Variants in TMEM71 observed in about 807,000 individuals in gnomAD.
TMEM71 encodes the protein transmembrane protein 71.
Under a neutral mutation model 38.0 loss-of-function variants are expected in TMEM71, and 44 were observed. The observed-to-expected ratio is 1.16, with a 90% CI of 0.91 to 1.49. The LOEUF is 1.49. TMEM71 is among the 40% of genes most tolerant of loss of function. The pLI is 0.00. For synonymous variants in TMEM71, 133 were observed against 122.5 expected (o/e 1.09, Z -0.56); for missense variants, 367 against 348.6 (o/e 1.05, Z -0.42).
upstream of TMEM71, among the ~76,000 whole-genome samples, chr8:132,762,020 C>G (rs976238925): frequency 6.6e-6 from 1 of 152,188 alleles, no homozygotes; most frequent in Non-Finnish European, 1.5e-5. Context: ...CCCAGGCTAG[C>G]CCTGCCCAGC....
chr8:132,756,413 A>ATATATATATATATATATATATAT (rs1829015037), intron 3 of TMEM71, among the ~76,000 whole-genome samples: 1 of 57,682 alleles, frequency 1.7e-5, no homozygotes, highest in Non-Finnish European at 4.0e-5. Context: ...CATATATATT[A>ATATATATATATATATATATATAT]TATATATATA....
chr8:132,728,169 T>C (rs760977311), intron 5 of TMEM71, among the ~76,000 whole-genome samples, 183 bp from the exon 6 acceptor site: 4 of 152,074 alleles, frequency 2.6e-5, no homozygotes, highest in Non-Finnish European at 5.9e-5. Flanking sequence ...AGATGATGTA[T>C]TCGTCTGTTT....
At chr8:132,740,985 G>C (rs993358320) in intron 5 of TMEM71, among the ~76,000 whole-genome samples, 2 of 152,180 alleles carry the variant, frequency 1.3e-5, no homozygotes, top group African/African-American at 4.8e-5. Context: ...AAAAAGGTTA[G>C]CCTCACAGCA....
chr8:132,736,264 C>A (rs919467872), intron 5 of TMEM71, among the ~76,000 whole-genome samples: 1 of 152,088 alleles, frequency 6.6e-6, no homozygotes, highest in Non-Finnish European at 1.5e-5. Context: ...AAGACACTTG[C>A]CTTGTTGCTC....
chr8:132,707,047 C>T (rs992700691), downstream of TMEM71, among the ~76,000 whole-genome samples: 1 of 152,176 alleles, frequency 6.6e-6, no homozygotes, highest in African/African-American at 2.4e-5. Flanking sequence ...GACATGCGAT[C>T]AGCAAAATTC....
chr8:132,757,404 A>G, intron 2 of TMEM71, 110 bp from the exon 3 acceptor site: 1 of 727,648 alleles, frequency 1.4e-6, no homozygotes, highest in South Asian at 1.5e-5. Flanking sequence ...GCATGTAAGA[A>G]GATGGGAATA....
At chr8:132,752,148 TC>T in intron 3 of TMEM71, 151 bp from the exon 4 acceptor site, 1 of 679,860 alleles carries the variant, frequency 1.5e-6, no homozygotes, top group Non-Finnish European at 2.5e-6. Context: ...CTCTTAATGT[TC>T]TGGGCTTCAT....
intron 6 of TMEM71, among the ~76,000 whole-genome samples, chr8:132,724,982 A>G (rs1827057447): frequency 6.6e-6 from 1 of 152,158 alleles, no homozygotes. Flanking sequence ...GTGTAGGCAC[A>G]GAGCCACCAG....
intron 5 of TMEM71, among the ~76,000 whole-genome samples, chr8:132,742,430 G>A (rs1828096901): frequency 6.6e-6 from 1 of 152,126 alleles, no homozygotes; most frequent in African/African-American, 2.4e-5. Flanking sequence ...TCCCTCTGAA[G>A]CCCTCCCAGC....
chr8:132,719,639 A>G (rs1268731053), intron 7 of TMEM71, among the ~76,000 whole-genome samples: 1 of 152,246 alleles, frequency 6.6e-6, no homozygotes, highest in Non-Finnish European at 1.5e-5. Context: ...AGAAACATCC[A>G]TGCTCTTGCC....
chr8:132,763,594 T>C (rs568435948), upstream of TMEM71, among the ~76,000 whole-genome samples: 2 of 152,318 alleles, frequency 1.3e-5, no homozygotes, highest in South Asian at 2.1e-4. Context: ...GAGGTCACTA[T>C]AGAATCTTTT....
upstream of TMEM71, among the ~76,000 whole-genome samples, chr8:132,763,847 C>A (rs1829331988): frequency 6.6e-6 from 1 of 152,198 alleles, no homozygotes; most frequent in Non-Finnish European, 1.5e-5. Context: ...CTAAGATACT[C>A]TTTGACAGGC....
chr8:132,757,698 C>T (rs1463911020), intron 2 of TMEM71, among the ~76,000 whole-genome samples: 1 of 151,894 alleles, frequency 6.6e-6, no homozygotes, highest in Non-Finnish European at 1.5e-5. Context: ...TGGTGGTGGG[C>T]GCCTGCAGTC....
rs905517547 is a variant in TMEM71 at position 132,724,791 on chromosome 8, G to T, written c.677-2676C>A. On this transcript the variant is annotated intron_variant, in intron 6 of 9. Coordinates refer to ENST00000677595, the MANE Select transcript of TMEM71 (RefSeq NM_001382403.1). ...AACTCTTCACAACTTATGTTCCTCT[G>T]CCGCAGCTCCAGCTAGTCCCTCCAT... is the stretch of plus-strand genomic sequence containing the variant. 1.2e-4 allele frequency among the ~76,000 whole-genome samples: 19 copies of T among 152,154 alleles called. 2 individuals carry two copies. Among genetic ancestry groups the T allele is most frequent in the Admixed American group, 6.5e-4 (10 of 15,280 alleles).
chr8:132,746,977 G>A lies in TMEM71; in HGVS notation c.452C>T (p.Thr151Ile), dbSNP rs779998184. 2 of 1,611,770 alleles carry A rather than the reference G, an allele frequency of 1.2e-6. No homozygotes were observed. Among genetic ancestry groups the A allele is most frequent in the South Asian group, 2.2e-5 (2 of 90,644 alleles). Residue 151 changes from threonine to isoleucine, a missense_variant, in exon 5 of 10, where the codon ACC becomes ATC. Transcript: ENST00000677595. Reference protein sequence around the residue: ...SPSEDNWLKGTRRLDTDHCNG... With the variant: ...SPSEDNWLKGIRRLDTDHCNG... ...GCAATGGTCTGTGTCCAACCTCCTG[G>A]TCCCCTTCAACCAGTTGTCTTCACT... is the stretch of plus-strand genomic sequence containing the variant.
At chr8:132,706,854 T>C (rs774041109), downstream of TMEM71, among the ~76,000 whole-genome samples, 7 of 152,138 alleles carry the variant, frequency 4.6e-5, no homozygotes, top group Non-Finnish European at 7.3e-5. Flanking sequence ...ATCTAACCAC[T>C]GATCAGAAAT....
chr8:132,728,682 C>T (rs1038132007), intron 5 of TMEM71, among the ~76,000 whole-genome samples: 1 of 152,212 alleles, frequency 6.6e-6, no homozygotes, highest in African/African-American at 2.4e-5. Flanking sequence ...AGTATATGAA[C>T]CTCACATCTT....
intron 5 of TMEM71, among the ~76,000 whole-genome samples, chr8:132,746,478 T>TATATATAC (rs1563753841): frequency 9.1e-4 from 13 of 14,352 alleles, no homozygotes; most frequent in South Asian, 3.6e-3. Context: ...TATATATACA[T>TATATATAC]ATATATATAC....
rs74638301 is a variant in TMEM71 at position 132,753,784 on chromosome 8, G to A, written c.102-1787C>T. Reference sequence around the variant, plus strand: ...AAACGAGAAAAAAATCTCCATTATCGGGTTATCTTAATAATTAAATAATGA... The same window carrying A: ...AAACGAGAAAAAAATCTCCATTATCAGGTTATCTTAATAATTAAATAATGA... On this transcript the variant is annotated intron_variant, in intron 3 of 9. Transcript: ENST00000677595. 6.1e-3 allele frequency among the ~76,000 whole-genome samples: 924 copies of A among 152,114 alleles called. 15 individuals are homozygous for A. Among genetic ancestry groups the A allele is most frequent in the African/African-American group, 0.019 (792 of 41,476 alleles).
Sources: allele counts gnomAD v4.1 joint callset (sites outside exome capture counted in the v4.1 genomes callset), GRCh38; gene constraint gnomAD v4.1.1; transcripts MANE v1.5; gene names NCBI Gene and HGNC (gene_info 2026-07-23, HGNC 2026-07-21).